The following SLC38A8 variants were observed in gnomAD, a reference collection of about 807,000 sequenced individuals.
SLC38A8 encodes the protein solute carrier family 38 member 8.
A neutral mutation model predicts 46.0 loss-of-function variants in SLC38A8; 65 were observed. The ratio of observed to expected loss-of-function variants is 1.41; its 90% CI spans 1.16 to 1.74. The LOEUF is 1.74. Among genes scored for constraint, SLC38A8 ranks in the 40% most tolerant of loss-of-function variants. The pLI, the probability that SLC38A8 is intolerant of heterozygous loss-of-function variation, is 0.00. For missense variants in SLC38A8, 998 were observed against 567.9 expected, an observed-to-expected ratio of 1.76 and a Z score of -7.70; for synonymous variants, 447 against 243.7, an observed-to-expected ratio of 1.83 and a Z score of -7.77.
chr16:84,011,633 C>T lies in SLC38A8; in HGVS notation c.1214+1368G>A, dbSNP rs1159137736. On this transcript the variant is annotated intron_variant, in intron 10 of 10. Transcript: ENST00000299709. ...CTGTGCTTGCCAGCTTATCTGGAAA[C>T]TGGGTTTTGCAGATGTAATTAAGGA... Among the ~76,000 whole-genome samples, 3 of 152,198 alleles carry T rather than the reference C, an allele frequency of 2.0e-5. No individual in the cohort carries two copies. The East Asian group carries it at 5.8e-4, about 29-fold the overall frequency.
At chr16:84,033,807 T>C (rs958950539) in intron 3 of SLC38A8, among the ~76,000 whole-genome samples, 1 of 152,128 alleles carries the variant, frequency 6.6e-6, no homozygotes, top group African/African-American at 2.4e-5. Context: ...GGGAACTCAA[T>C]AGTATCTGGA....
chr16:84,032,125 C>T (rs2085247556), intron 4 of SLC38A8, among the ~76,000 whole-genome samples, 157 bp from the exon 5 acceptor site: 1 of 152,174 alleles, frequency 6.6e-6, no homozygotes, highest in African/African-American at 2.4e-5. Context: ...GTACAGGGGG[C>T]ATGTGGGGCA....
intron 9 of SLC38A8, among the ~76,000 whole-genome samples, chr16:84,013,435 T>TTTGTTG (rs2084980894): frequency 3.8e-5 from 5 of 130,746 alleles, no homozygotes; most frequent in South Asian, 2.5e-4. Context: ...TTTTTTTTTT[T>TTTGTTG]TTTTTTTTTT....
chr16:84,011,812 G>T (rs2084957158), intron 10 of SLC38A8, among the ~76,000 whole-genome samples: 2 of 152,130 alleles, frequency 1.3e-5, no homozygotes, highest in African/African-American at 4.8e-5. Flanking sequence ...TGAGCCCAGG[G>T]GGTTGAGGCT....
In SLC38A8 at chr16:84,031,912, T is replaced by C. The variant is rs1416089054; in HGVS notation, c.587A>G (p.Tyr196Cys). The C allele has an allele frequency of 5.0e-6, 8 of 1,613,938 alleles. No individual in the cohort carries two copies. Among genetic ancestry groups the C allele is most frequent in the African/African-American group, 2.7e-5 (2 of 74,904 alleles). The change falls in exon 5 of 11, where the codon TAC becomes TGC. Residue 196 changes from tyrosine (Y) to cysteine (C), a missense_variant. Tyr to Cys is a radical substitution (Grantham distance 194). Transcript: ENST00000299709. ...YLALVITVQY[Y>C]LWPQGLVRES... The stretch of plus-strand genomic sequence containing the variant: ...ACGCACGAGGCCCTGGGGCCAGAGG[T>C]AGTACTGCACGGTGATGACCAGGGC...
At chr16:84,038,727 C>G (rs974680468) in intron 2 of SLC38A8, among the ~76,000 whole-genome samples, 1 of 152,196 alleles carries the variant, frequency 6.6e-6, no homozygotes, top group African/African-American at 2.4e-5. Context: ...ACTTCTGTCT[C>G]CCTCCCATCC....
chr16:84,012,408 G>T (rs1020716507), intron 10 of SLC38A8, among the ~76,000 whole-genome samples: 1 of 152,228 alleles, frequency 6.6e-6, no homozygotes, highest in Non-Finnish European at 1.5e-5. Flanking sequence ...CAAATTATCT[G>T]GTCTCAACAG....
At chr16:84,034,800 G>C (rs1234855217) in intron 3 of SLC38A8, among the ~76,000 whole-genome samples, 1 of 151,914 alleles carries the variant, frequency 6.6e-6, no homozygotes, top group Admixed American at 6.6e-5. Flanking sequence ...AGACCTCCAG[G>C]TGGCGTGGGA....
rs569685686 is a variant in SLC38A8 at position 84,041,898 on chromosome 16, C to A, written c.189+71G>T. 7.1e-6 allele frequency: 10 copies of A among 1,401,692 alleles called. No homozygotes were observed. The South Asian group carries it at 1.1e-4, about 16-fold the overall frequency. The allele number at this position is 1,401,692 out of a possible 1,614,324, so 86.8% of individuals were successfully genotyped here. On this transcript the variant is annotated intron_variant, in intron 2 of 10. Transcript: ENST00000299709. ...GACACGCAACTCCGCAGAAGCAATGCGAGGAACCCCACCCAGAAAAGCCAA... is the reference window on the plus strand; with the variant it reads ...GACACGCAACTCCGCAGAAGCAATGAGAGGAACCCCACCCAGAAAAGCCAA...
Position 84,041,933 on chromosome 16 carries a change from G to C in SLC38A8, c.189+36C>G, listed in dbSNP as rs201103447. ...CACCCAGAAAAGCCAAAGCCACCTC[G>C]TACCCGTCCCCAGGACTCACTTCCC... On this transcript the variant is annotated intron_variant, in intron 2 of 10. Coordinates refer to ENST00000299709, the MANE Select transcript of SLC38A8 (RefSeq NM_001080442.3). 573 of 1,530,064 alleles carry C rather than the reference G, an allele frequency of 3.7e-4. No individual in the cohort carries two copies. The Middle Eastern group carries it at 4.4e-3, about 12-fold the overall frequency. The allele number at this position is 1,530,064 out of a possible 1,614,324, so 94.8% of individuals were successfully genotyped here.
intron 6 of SLC38A8, among the ~76,000 whole-genome samples, chr16:84,025,003 C>T (rs1157532072): frequency 6.6e-6 from 1 of 152,098 alleles, no homozygotes; most frequent in Admixed American, 6.5e-5. Context: ...TAACGCAAAA[C>T]ATACACAGTC....
chr16:84,035,277 G>GTTCAGA (rs1392090182), intron 3 of SLC38A8, among the ~76,000 whole-genome samples: 1 of 152,162 alleles, frequency 6.6e-6, no homozygotes, highest in African/African-American at 2.4e-5. Context: ...CCATTAAGAG[G>GTTCAGA]TTCAGATACG....
chr16:84,026,128 C>G (rs2085161528), intron 6 of SLC38A8, among the ~76,000 whole-genome samples: 1 of 152,230 alleles, frequency 6.6e-6, no homozygotes. Context: ...ACAGCTGAGT[C>G]CAATATAAGG....
chr16:84,036,712 C>A lies in SLC38A8; in HGVS notation c.378G>T (p.Gln126His), dbSNP rs780521144. Residue 126 changes from glutamine (Q) to histidine (H), a missense_variant, in exon 3 of 11, where the codon CAG (glutamine) becomes CAT (histidine). By Grantham distance (24) the Gln-to-His change is conservative. Transcript: ENST00000299709. The part of the protein sequence containing the change: ...SVAFLRVIGD[Q>H]LEKLCDSLLS... ...CATGAAGGTACTTACGCTTCTCCAGCTGGTCCCCGATCACCCTGAGGAAGG... is the reference window on the plus strand; with the variant it reads ...CATGAAGGTACTTACGCTTCTCCAGATGGTCCCCGATCACCCTGAGGAAGG... 5.0e-6 allele frequency: 8 copies of A among 1,614,172 alleles called. No individual in the cohort carries two copies. The highest frequency in any genetic ancestry group is 5.9e-6 in the Non-Finnish European group (7 of 1,180,026).
rs779394877 is a variant in SLC38A8, at chr16:84,036,751, G to C, written c.339C>G (p.Leu113=). 5.0e-6 allele frequency: 8 copies of C among 1,614,104 alleles called. No homozygotes were observed. The highest frequency in any genetic ancestry group is 4.4e-5 in the South Asian group (4 of 91,082). The stretch of plus-strand genomic sequence containing the variant: ...CCCTGAGGAAGGCCACGGAGATCAT[G>C]AGCAGGTTGAGGAGGAAGCAGGCCT... ...LCEACFLLNL[L]MISVAFLRVI... The change falls in exon 3 of 11, where the codon CTC becomes CTG. Residue 113 remains leucine, a synonymous_variant. Transcript: ENST00000299709.
intron 2 of SLC38A8, among the ~76,000 whole-genome samples, chr16:84,038,744 G>C (rs1474857545): frequency 6.6e-6 from 1 of 152,152 alleles, no homozygotes; most frequent in Non-Finnish European, 1.5e-5. Flanking sequence ...ATCCCCAGAA[G>C]AAACCACCGG....
intron 2 of SLC38A8, among the ~76,000 whole-genome samples, chr16:84,038,837 G>A (rs961917452): frequency 2.0e-5 from 3 of 152,186 alleles, no homozygotes; most frequent in East Asian, 1.9e-4. Context: ...GGGCGCACAG[G>A]CAGCTTGCTT....
At chr16:84,034,023 C>G (rs1031713750) in intron 3 of SLC38A8, among the ~76,000 whole-genome samples, 5 of 152,206 alleles carry the variant, frequency 3.3e-5, no homozygotes, top group Non-Finnish European at 7.3e-5. Flanking sequence ...ATAGAATTGG[C>G]TGAGGTTGCT....
rs1244644772 is a variant in SLC38A8, at chr16:84,017,213, C to T, written c.880G>A (p.Val294Ile). 1 of 1,613,942 alleles carries T rather than the reference C, an allele frequency of 6.2e-7. No homozygotes were observed. The highest frequency in any genetic ancestry group is 1.7e-5 in the Admixed American group (1 of 59,982). Residue 294 changes from valine to isoleucine, a missense_variant, in exon 8 of 11, where the codon GTC (valine) becomes ATC (isoleucine). Transcript: ENST00000299709. ...AAAAGGACCCGGGCCACAATGATGA[C>T]CATATCATTGCCTGGGTAGGACATC... ...VLMSYPGNDM[V>I]IIVARVLFAV...
Sources: gnomAD v4.1 joint callset for allele counts (sites outside exome capture counted in the v4.1 genomes callset) on GRCh38, gnomAD v4.1.1 for gene constraint, MANE v1.5 for transcripts, NCBI Gene and HGNC (gene_info 2026-07-23, HGNC 2026-07-21) for gene names.